The following CSMD1 variants were observed in gnomAD, a reference collection of about 807,000 sequenced individuals.
CSMD1 encodes the protein CUB and Sushi multiple domains 1.
A neutral mutation model predicts 417.5 loss-of-function variants in CSMD1; 213 were observed. The ratio of observed to expected loss-of-function variants is 0.51; its 90% CI spans 0.46 to 0.57. The LOEUF (loss-of-function observed/expected upper bound fraction) is 0.57. Among genes scored for constraint, CSMD1 ranks in the 20% least tolerant of loss-of-function variants. The pLI, the probability that CSMD1 is intolerant of heterozygous loss-of-function variation, is 0.00. For missense variants in CSMD1, 6,923 were observed against 4,529.7 expected, an observed-to-expected ratio of 1.53 and a Z score of -15.17; for synonymous variants, 2,862 against 1,736.8, an observed-to-expected ratio of 1.65 and a Z score of -16.11.
At chr8:3,770,688 G>C (rs754072299) in intron 5 of CSMD1, among the ~76,000 whole-genome samples, 5 of 152,058 alleles carry the variant, frequency 3.3e-5, no homozygotes, top group African/African-American at 1.2e-4. Context: ...CCAACACCTT[G>C]TGATCTAATT....
At chr8:3,756,003 G>C (rs1797634785) in intron 5 of CSMD1, among the ~76,000 whole-genome samples, 1 of 151,934 alleles carries the variant, frequency 6.6e-6, no homozygotes, top group Admixed American at 6.6e-5. Flanking sequence ...TAAAAAACTA[G>C]ATTCAAAAAC....
intron 3 of CSMD1, among the ~76,000 whole-genome samples, chr8:4,287,385 A>G (rs993983117): frequency 2.9e-4 from 44 of 152,316 alleles, no homozygotes; most frequent in Middle Eastern, 3.4e-3. Flanking sequence ...AATGTAATGG[A>G]ACAACATCCC....
At chr8:4,856,123 G>C (rs1244728875) in intron 1 of CSMD1, among the ~76,000 whole-genome samples, 5 of 151,868 alleles carry the variant, frequency 3.3e-5, no homozygotes, top group African/African-American at 1.2e-4. Context: ...CATTCTTAAA[G>C]ACAAGAATTT....
At chr8:3,962,845 C>G (rs182474150) in intron 5 of CSMD1, among the ~76,000 whole-genome samples, 42 of 152,286 alleles carry the variant, frequency 2.8e-4, no homozygotes, top group Middle Eastern at 3.4e-3. Context: ...TGTGATAAAA[C>G]AGACATGATT....
At chr8:4,319,002 G>A (rs1038709983) in intron 3 of CSMD1, among the ~76,000 whole-genome samples, 2 of 152,228 alleles carry the variant, frequency 1.3e-5, no homozygotes, top group South Asian at 2.1e-4. Context: ...ACAGCTTGAG[G>A]CCTTAAGTCT....
rs77330740 is a variant in CSMD1, at chr8:3,581,705, G to A, written c.1222+4431C>T. Among the ~76,000 whole-genome samples, 1,105 of 152,232 alleles carry A rather than the reference G, an allele frequency of 7.3e-3. 13 individuals are homozygous for A. The highest frequency in any genetic ancestry group is 0.024 in the African/African-American group (989 of 41,514). ...GGCATTTTATTGCATTTCATAGACG[G>A]TTGAGTTGAGAATATGTGGCAGAAA... On this transcript the variant is annotated intron_variant, in intron 9 of 69. Transcript: ENST00000635120.
chr8:4,362,835 G>C (rs1801849549), intron 3 of CSMD1, among the ~76,000 whole-genome samples: 1 of 152,144 alleles, frequency 6.6e-6, no homozygotes, highest in Admixed American at 6.5e-5. Context: ...TGGGATAGTT[G>C]TTCCCCATTG....
intron 14 of CSMD1, among the ~76,000 whole-genome samples, chr8:3,407,449 A>ATAGATGG: frequency 1.3e-5 from 2 of 151,918 alleles, no homozygotes; most frequent in Non-Finnish European, 2.9e-5. Flanking sequence ...GGATGGATGG[A>ATAGATGG]AAGATGGATG....
intron 8 of CSMD1, among the ~76,000 whole-genome samples, chr8:3,615,859 T>C (rs1802111532): frequency 6.6e-6 from 1 of 152,182 alleles, no homozygotes; most frequent in Non-Finnish European, 1.5e-5. Flanking sequence ...ATTGCATCCA[T>C]CTTGTAAGAT....
chr8:3,849,158 T>C (rs1221434414), intron 5 of CSMD1, among the ~76,000 whole-genome samples: 4 of 152,114 alleles, frequency 2.6e-5, no homozygotes, highest in African/African-American at 4.8e-5. Context: ...TGGAGGTGTC[T>C]TAAACGATGA....
intron 5 of CSMD1, among the ~76,000 whole-genome samples, chr8:3,916,665 C>T (rs375712714): frequency 1.6e-4 from 25 of 152,262 alleles, no homozygotes; most frequent in African/African-American, 5.8e-4. Context: ...CGGATGTATT[C>T]ATCACCTGAT....
intron 5 of CSMD1, among the ~76,000 whole-genome samples, chr8:3,881,957 T>C (rs1376959685): frequency 1.3e-5 from 2 of 152,186 alleles, no homozygotes; most frequent in African/African-American, 2.4e-5. Context: ...AGATCTGAAC[T>C]TGAAAGATGA....
intron 7 of CSMD1, among the ~76,000 whole-genome samples, chr8:3,624,358 G>A (rs554702821): frequency 6.6e-6 from 1 of 152,154 alleles, no homozygotes; most frequent in Non-Finnish European, 1.5e-5. Context: ...TGGCTTGAAT[G>A]TTAAATCTCT....
intron 5 of CSMD1, among the ~76,000 whole-genome samples, chr8:3,805,618 G>T (rs1382276829): frequency 6.6e-6 from 1 of 152,162 alleles, no homozygotes; most frequent in Non-Finnish European, 1.5e-5. Flanking sequence ...TATACCTGTA[G>T]AAAGGATATT....
chr8:3,894,880 T>C (rs1185107819), intron 5 of CSMD1, among the ~76,000 whole-genome samples: 1 of 152,222 alleles, frequency 6.6e-6, no homozygotes, highest in Non-Finnish European at 1.5e-5. Context: ...ACCTGTCTTA[T>C]AAATCCTATA....
At chr8:3,924,806 G>C (rs897133783) in intron 5 of CSMD1, among the ~76,000 whole-genome samples, 1 of 152,062 alleles carries the variant, frequency 6.6e-6, no homozygotes, top group African/African-American at 2.4e-5. Context: ...TATCCTGTAA[G>C]TCACTGAAGT....
chr8:4,833,560 T>C (rs1800279972), intron 1 of CSMD1, among the ~76,000 whole-genome samples: 1 of 152,158 alleles, frequency 6.6e-6, no homozygotes, highest in Admixed American at 6.5e-5. Context: ...GATAAGTCAT[T>C]ATAATAAACT....
intron 4 of CSMD1, among the ~76,000 whole-genome samples, chr8:4,005,633 C>T (rs1446501589): frequency 2.0e-5 from 3 of 152,204 alleles, no homozygotes; most frequent in Non-Finnish European, 4.4e-5. Flanking sequence ...ATTGAGAGAA[C>T]ATAGGGTGTC....
intron 12 of CSMD1, among the ~76,000 whole-genome samples, chr8:3,435,446 C>T (rs983693133): frequency 2.6e-5 from 4 of 152,200 alleles, no homozygotes; most frequent in East Asian, 1.9e-4. Context: ...TTGAACACAT[C>T]CCACTCTTAG....
Sources: allele counts gnomAD v4.1 joint callset (sites outside exome capture counted in the v4.1 genomes callset), GRCh38; gene constraint gnomAD v4.1.1; transcripts MANE v1.5; gene names NCBI Gene and HGNC (gene_info 2026-07-23, HGNC 2026-07-21).